TUSC3: variants seen among roughly 807,000 people sequenced by gnomAD.
The protein encoded by TUSC3 is tumor suppressor candidate 3, also known as dolichyl-diphosphooligosaccharide--protein glycosyltransferase subunit TUSC3.
A neutral mutation model predicts 44.8 loss-of-function variants in TUSC3; 45 were observed. That is an observed-to-expected ratio of 1.00 (90% CI 0.79 to 1.29). The LOEUF (loss-of-function observed/expected upper bound fraction) is 1.29. TUSC3 is among the 50% of genes most tolerant of loss of function. TUSC3 has a pLI of 0.00. For missense variants in TUSC3, 519 were observed against 437.9 expected (o/e 1.19, Z -1.65); for synonymous variants, 212 against 152.9 (o/e 1.39, Z -2.85).
chr8:15,798,339 G>T, the TUSC3 span, among the ~76,000 whole-genome samples: 2 of 152,100 alleles, frequency 1.3e-5, no homozygotes, highest in Admixed American at 1.3e-4. Context: ...AGTTCCCTAA[G>T]TGCCCATATC....
intron 10 of TUSC3, chr8:15,758,072 G>C: frequency 2.2e-6 from 3 of 1,341,694 alleles, no homozygotes; most frequent in Non-Finnish European, 2.9e-6. Flanking sequence ...AGACTGACAC[G>C]TGGAGTTAAT....
At chr8:15,705,120 A>G (rs970069328) in intron 6 of TUSC3, among the ~76,000 whole-genome samples, 5 of 148,142 alleles carry the variant, frequency 3.4e-5, no homozygotes, top group African/African-American at 9.9e-5. Context: ...TGGGTGCATG[A>G]TTTTTTTTTT....
the TUSC3 span, among the ~76,000 whole-genome samples, chr8:15,835,187 T>C: frequency 2.0e-5 from 3 of 152,230 alleles, no homozygotes; most frequent in South Asian, 4.1e-4. Context: ...ATAAGTGATA[T>C]TTTTAAAGAA....
chr8:15,748,273 TAAATG>T, intron 8 of TUSC3, 97 bp from the exon 9 acceptor site: 1 of 894,368 alleles, frequency 1.1e-6, no homozygotes, highest in Admixed American at 1.7e-5. Flanking sequence ...CATGAACTGT[TAAATG>T]TAAGTATACT....
rs879787873 is a variant in TUSC3, at chr8:15,483,276, T to A, written n.92-110T>A. The A allele has an allele frequency of 1.6e-3, 289 of 184,406 alleles. 1 individual carries two copies. Among genetic ancestry groups the A allele is most frequent in the Non-Finnish European group, 2.5e-3 (215 of 87,596 alleles). The allele number at this position is 184,406 out of a possible 1,614,324, so 11.4% of individuals were successfully genotyped here. On this transcript the variant is annotated intron_variant and non_coding_transcript_variant, in intron 1 of 5. Transcript: ENST00000503191. ...AAGCAACATGGGTTATTAGTTTTTTTAAAAATCCTCTAAGATGAAGAATAA... is the reference window on the plus strand; with the variant it reads ...AAGCAACATGGGTTATTAGTTTTTTAAAAAATCCTCTAAGATGAAGAATAA...
At chr8:15,826,105 TC>T in the TUSC3 span, among the ~76,000 whole-genome samples, 1 of 152,160 alleles carries the variant, frequency 6.6e-6, no homozygotes, top group African/African-American at 2.4e-5. Flanking sequence ...GCTCAGAGTT[TC>T]CAGTGCATAA....
At chr8:15,583,503 A>G (rs183704684) in intron 1 of TUSC3, among the ~76,000 whole-genome samples, 287 of 152,348 alleles carry the variant, frequency 1.9e-3, no homozygotes, top group Non-Finnish European at 3.1e-3. Context: ...TGAATTATAA[A>G]AATGTGTTCT....
At chr8:15,494,457 A>G (rs1425475539) in intron 2 of TUSC3, among the ~76,000 whole-genome samples, 1 of 151,812 alleles carries the variant, frequency 6.6e-6, no homozygotes, top group Non-Finnish European at 1.5e-5. Flanking sequence ...AGCTGGGACT[A>G]CAGGCGCATG....
chr8:15,564,057 A>G (rs570493269), intron 1 of TUSC3, among the ~76,000 whole-genome samples: 1 of 152,276 alleles, frequency 6.6e-6, no homozygotes, highest in Non-Finnish European at 1.5e-5. Flanking sequence ...CCTCTCCATT[A>G]TAGGAGAAAC....
chr8:15,578,573 C>T (rs1283837521), intron 1 of TUSC3, among the ~76,000 whole-genome samples: 248 of 143,826 alleles, frequency 1.7e-3, no homozygotes, highest in African/African-American at 6.2e-3. Context: ...TTGAGATAAT[C>T]ATGTGGTTTT....
intron 1 of TUSC3, among the ~76,000 whole-genome samples, chr8:15,454,338 C>T (rs887705751): frequency 2.6e-4 from 39 of 152,152 alleles, no homozygotes; most frequent in African/African-American, 9.4e-4. Flanking sequence ...CAGCCTTATG[C>T]CCCTCAGTTG....
upstream of TUSC3, among the ~76,000 whole-genome samples, chr8:15,540,015 G>A (rs375028345): frequency 2.7e-4 from 41 of 152,304 alleles, no homozygotes; most frequent in African/African-American, 9.1e-4. Flanking sequence ...AAGGCATTCA[G>A]GTCTTTCTGT....
intron 1 of TUSC3, among the ~76,000 whole-genome samples, chr8:15,444,283 C>G (rs1800061982): frequency 6.6e-6 from 1 of 152,172 alleles, no homozygotes. Context: ...GAAGCAGACT[C>G]TATTCAAGGA....
chr8:15,628,269 A>G (rs996539539), intron 2 of TUSC3, among the ~76,000 whole-genome samples: 2 of 152,314 alleles, frequency 1.3e-5, no homozygotes, highest in South Asian at 4.1e-4. Context: ...TCACTGTTAC[A>G]TATAATTATA....
At chr8:15,665,806 G>C (rs1807631970) in intron 5 of TUSC3, among the ~76,000 whole-genome samples, 1 of 151,222 alleles carries the variant, frequency 6.6e-6, no homozygotes, top group African/African-American at 2.4e-5. Context: ...ATATTCATAA[G>C]TAAATCTTCC....
At chr8:15,751,183 G>GCAAT (rs1013893927) in intron 9 of TUSC3, among the ~76,000 whole-genome samples, 4 of 152,204 alleles carry the variant, frequency 2.6e-5, no homozygotes, top group African/African-American at 7.2e-5. Flanking sequence ...TAGCCAAAAG[G>GCAAT]CAATCAGGGT....
chr8:15,540,450 C>A lies in TUSC3; in HGVS notation c.20C>A (p.Pro7His), dbSNP rs755566606. MGARGA[P>H]SRRRQAGRRL... is the part of the protein sequence containing the mutation. ...GCCGCGATGGGGGCCCGGGGCGCTCCTTCACGCCGTAGGCAAGCGGGGCGG... is the reference window on the plus strand; with the variant it reads ...GCCGCGATGGGGGCCCGGGGCGCTCATTCACGCCGTAGGCAAGCGGGGCGG... Residue 7 changes from proline (P) to histidine (H), a missense_variant, in exon 1 of 11, where the codon CCT becomes CAT. Physicochemically the swap from Pro to His is moderately conservative, Grantham distance 77. Coordinates refer to ENST00000503731, the MANE Select transcript of TUSC3 (RefSeq NM_006765.4). The A allele has an allele frequency of 6.2e-7, 1 of 1,602,498 alleles. No homozygotes were observed. Among genetic ancestry groups the A allele is most frequent in the South Asian group, 1.1e-5 (1 of 89,722 alleles).
chr8:15,582,192 G>T (rs558093032), intron 1 of TUSC3, among the ~76,000 whole-genome samples: 7 of 152,272 alleles, frequency 4.6e-5, no homozygotes, highest in East Asian at 3.9e-4. Flanking sequence ...GCACCCACTG[G>T]CCTGCGCCCA....
chr8:15,852,014 T>C, the TUSC3 span, among the ~76,000 whole-genome samples: 517 of 152,278 alleles, frequency 3.4e-3, 2 homozygotes, highest in African/African-American at 0.012. Flanking sequence ...ATGTGCCTTT[T>C]GCCTTCCACC....
Sources: gnomAD v4.1 joint callset for allele counts (sites outside exome capture counted in the v4.1 genomes callset) on GRCh38, gnomAD v4.1.1 for gene constraint, MANE v1.5 for transcripts, NCBI Gene and HGNC (gene_info 2026-07-23, HGNC 2026-07-21) for gene names.